Variants in ECSCR observed in about 807,000 individuals in gnomAD.
ECSCR encodes endothelial cell-specific chemotaxis regulator.
A neutral mutation model predicts 16.7 loss-of-function variants in ECSCR; 12 were observed. The ratio of observed to expected loss-of-function variants is 0.72; its 90% CI spans 0.46 to 1.17. ECSCR has a LOEUF of 1.17. ECSCR is among the 50% of genes most tolerant of loss of function. ECSCR has a pLI of 0.00. For synonymous variants in ECSCR, 44 were observed against 42.2 expected (o/e 1.04, Z -0.17); for missense variants, 122 against 116.1 (o/e 1.05, Z -0.23).
intron 4 of ECSCR, 93 bp downstream of exon 4, chr5:139,457,452 C>T (rs992929598): frequency 1.3e-4 from 101 of 774,396 alleles, no homozygotes; most frequent in Admixed American, 9.7e-4. Context: ...TGTTCCCGCT[C>T]GCCCCAGTCT....
intron 1 of ECSCR, among the ~76,000 whole-genome samples, chr5:139,462,031 T>C (rs1235538504): frequency 6.6e-6 from 1 of 152,216 alleles, no homozygotes; most frequent in African/African-American, 2.4e-5. Flanking sequence ...CTGGAGGTCA[T>C]CTACTCTAGC....
rs1304406373 is a variant in ECSCR at position 139,454,824 on chromosome 5, C to T, written c.475+1G>A. On this transcript the variant is annotated splice_donor_variant, in intron 7 of 9. Coordinates refer to ENST00000618155, the MANE Select transcript of ECSCR (RefSeq NM_001077693.4). LOFTEE classifies it high-confidence loss of function. ...AAGATCCCCGAGGGCAGGGCACGCA[C>T]CTTCAGACTCCTTGCTCTTCCGACA... 5.0e-6 allele frequency: 2 copies of T among 398,486 alleles called. No homozygotes were observed. Among genetic ancestry groups the T allele is most frequent in the African/African-American group, 4.1e-5 (2 of 48,516 alleles). The allele number at this position is 398,486 out of a possible 1,614,324, so 24.7% of individuals were successfully genotyped here. A position where few individuals can be genotyped will look rare whatever the true frequency, so the allele number is the denominator to read the frequency against.
At position 139,457,803 on chromosome 5, in the gene ECSCR, G is replaced by T. The variant is rs753569039; in HGVS notation, c.111C>A (p.Gly37=). 1.6e-5 allele frequency: 25 copies of T among 1,608,280 alleles called. No individual in the cohort carries two copies. The highest frequency in any genetic ancestry group is 1.2e-4 in the Admixed American group (7 of 58,914). ...TMTQTSSSQG[G]LGGLSLTTEP... ...CTGTGGTCAGACTTAGACCGCCAAGGCCTCCTGAAACAGAACATCTGAGGC... is the reference window on the plus strand; with the variant it reads ...CTGTGGTCAGACTTAGACCGCCAAGTCCTCCTGAAACAGAACATCTGAGGC... Residue 37 remains glycine (G), a synonymous_variant, in exon 3 of 10, where the codon GGC becomes GGA. Coordinates refer to ENST00000618155, the MANE Select transcript of ECSCR (RefSeq NM_001077693.4).
At chr5:139,459,486 C>T (rs1311152201) in intron 1 of ECSCR, among the ~76,000 whole-genome samples, 1 of 152,172 alleles carries the variant, frequency 6.6e-6, no homozygotes. Context: ...TGTATGTACA[C>T]GTGTGTCTGC....
intron 1 of ECSCR, among the ~76,000 whole-genome samples, chr5:139,460,881 C>G (rs112738956): frequency 1.3e-5 from 2 of 152,142 alleles, no homozygotes; most frequent in Non-Finnish European, 2.9e-5. Flanking sequence ...TTTAATCGAG[C>G]CTGGCAAGCC....
intron 5 of ECSCR, among the ~76,000 whole-genome samples, chr5:139,455,846 G>A (rs961641480): frequency 3.6e-5 from 5 of 139,228 alleles, no homozygotes; most frequent in Non-Finnish European, 6.2e-5. Context: ...AAAAAAGACC[G>A]GGCACGGTGG....
chr5:139,462,514 G>T, intron 1 of ECSCR, 96 bp downstream of exon 1: 2 of 1,279,828 alleles, frequency 1.6e-6, no homozygotes, highest in Non-Finnish European at 2.2e-6. Context: ...CACAGCCCCT[G>T]GATGGAAAGC....
chr5:139,452,301 TGGTGTGTGTGTGTGTATAGTATGG>T (rs1751076198), intron 8 of ECSCR, among the ~76,000 whole-genome samples: 1 of 138,264 alleles, frequency 7.2e-6, no homozygotes, highest in Admixed American at 7.2e-5. Flanking sequence ...GGTAGGTTTG[TGGTGTGTGTGTGTGTATAGTATGG>T]GGTGTGTGTG....
intron 8 of ECSCR, among the ~76,000 whole-genome samples, chr5:139,450,712 G>A (rs1008014840): frequency 4.6e-5 from 7 of 151,496 alleles, no homozygotes; most frequent in African/African-American, 1.7e-4. Flanking sequence ...GGAGGCGGAG[G>A]TTGCAGTGAG....
Position 139,458,332 on chromosome 5 carries a change from T to G in ECSCR, c.62-149A>C, listed in dbSNP as rs1581436676. 3.2e-5 allele frequency: 23 copies of G among 713,170 alleles called. 1 individual carries two copies. The highest frequency in any genetic ancestry group is 8.0e-4 in the Middle Eastern group (2 of 2,496). The allele number at this position is 713,170 out of a possible 1,614,324, so 44.2% of individuals were successfully genotyped here. A position where few individuals can be genotyped will look rare whatever the true frequency, so the allele number is the denominator to read the frequency against. On this transcript the variant is annotated intron_variant, in intron 1 of 9. Coordinates refer to ENST00000618155, the MANE Select transcript of ECSCR (RefSeq NM_001077693.4). ...AAAATTTTGTTTTGTTTTGTTTTTT[T>G]TTTTTTTTTAAATTCTCCAGGCACA...
intron 3 of ECSCR, 26 bp from the exon 4 acceptor site, chr5:139,457,630 G>C (rs1751187577): frequency 9.8e-7 from 1 of 1,015,930 alleles, no homozygotes; most frequent in East Asian, 2.4e-5. Flanking sequence ...CAGATAGGGA[G>C]TGGGAGGTGG....
chr5:139,458,493 A>C, intron 1 of ECSCR, among the ~76,000 whole-genome samples: 1 of 104,022 alleles, frequency 9.6e-6, no homozygotes, highest in Non-Finnish European at 1.9e-5. Flanking sequence ...TGGAGACCCT[A>C]TCTCAACAAA....
intron 8 of ECSCR, among the ~76,000 whole-genome samples, chr5:139,450,083 C>T (rs1432567863): frequency 6.6e-6 from 1 of 152,016 alleles, no homozygotes; most frequent in Non-Finnish European, 1.5e-5. Context: ...TTAGTAGAGA[C>T]TGGGTTTCAA....
intron 8 of ECSCR, among the ~76,000 whole-genome samples, chr5:139,449,391 G>A (rs537874055): frequency 1.3e-5 from 2 of 152,322 alleles, no homozygotes; most frequent in East Asian, 3.9e-4. Flanking sequence ...AGGCTGGAGT[G>A]CAATGGTGCA....
intron 5 of ECSCR, among the ~76,000 whole-genome samples, chr5:139,456,218 G>C (rs1362602344): frequency 6.6e-6 from 1 of 152,030 alleles, no homozygotes; most frequent in Admixed American, 6.6e-5. Context: ...AGCCGGGATC[G>C]CACCGCTGCA....
At chr5:139,458,108 C>G in intron 2 of ECSCR, 31 bp downstream of exon 2, 1 of 1,546,842 alleles carries the variant, frequency 6.5e-7, no homozygotes, top group Non-Finnish European at 8.7e-7. Context: ...TAGGCCTACA[C>G]GCTGGAGTAG....
chr5:139,450,818 A>C (rs1446020464), intron 8 of ECSCR, among the ~76,000 whole-genome samples: 1 of 152,156 alleles, frequency 6.6e-6, no homozygotes, highest in Non-Finnish European at 1.5e-5. Context: ...AATTGCTATA[A>C]AGATTTGAGA....
intron 2 of ECSCR, 47 bp downstream of exon 2, chr5:139,458,092 A>T (rs1314317883): frequency 6.5e-7 from 1 of 1,533,960 alleles, no homozygotes; most frequent in Admixed American, 2.0e-5. Flanking sequence ...ACCCTTCCTA[A>T]GCTCCTAGGC....
At chr5:139,458,574 C>T (rs192228843) in intron 1 of ECSCR, among the ~76,000 whole-genome samples, 5 of 145,710 alleles carry the variant, frequency 3.4e-5, no homozygotes, top group African/African-American at 1.0e-4. Flanking sequence ...TGGCCAGGTG[C>T]GGTGGTTCAC....
Sources: allele counts gnomAD v4.1 joint callset (sites outside exome capture counted in the v4.1 genomes callset), GRCh38; gene constraint gnomAD v4.1.1; transcripts MANE v1.5; gene names NCBI Gene and HGNC (gene_info 2026-07-23, HGNC 2026-07-21).